KIF13A: variants seen among roughly 807,000 people sequenced by gnomAD.
The protein encoded by KIF13A is kinesin-like protein KIF13A.
Under a neutral mutation model 212.2 loss-of-function variants are expected in KIF13A, and 79 were observed. The observed-to-expected ratio is 0.37, with a 90% CI of 0.31 to 0.45. KIF13A has a LOEUF of 0.45. Among genes scored for constraint, KIF13A ranks in the 20% least tolerant of loss-of-function variants. The pLI is 1.00. For synonymous variants in KIF13A, 789 were observed against 808.6 expected (o/e 0.98, Z 0.41); for missense variants, 1,901 against 2,209.0 (o/e 0.86, Z 2.79).
Position 17,854,546 on chromosome 6 carries a change from AT to A in KIF13A, c.494+890del, listed in dbSNP as rs36073765. On this transcript the variant is annotated intron_variant, in intron 6 of 38. Coordinates refer to ENST00000259711, the MANE Select transcript of KIF13A (RefSeq NM_022113.6). ...TAGATACTAGTTTTAAATCAGTATA[AT>A]TTTTTTTTTTTTTTTTTTTTTTTTT... Among the ~76,000 whole-genome samples the A allele has an allele frequency of 6.4e-3, 494 of 77,082 alleles. 2 individuals are homozygous for A. The highest frequency in any genetic ancestry group is 0.02 in the African/African-American group (362 of 17,928). The allele number at this position is 77,082 out of a possible 152,430, so 50.6% of individuals were successfully genotyped here.
Position 17,792,196 on chromosome 6 carries a change from C to CAAAA in KIF13A, c.3222+2049_3222+2052dup, listed in dbSNP as rs10666115. Among the ~76,000 whole-genome samples, 370 of 74,452 alleles carry CAAAA rather than the reference C, an allele frequency of 5.0e-3. 9 individuals are homozygous for CAAAA. The highest frequency in any genetic ancestry group is 8.1e-3 in the African/African-American group (147 of 18,086). 48.8% of individuals were successfully genotyped at this position (74,452 alleles called of 152,430 possible). A position where few individuals can be genotyped will look rare whatever the true frequency, so the allele number is the denominator to read the frequency against. On this transcript the variant is annotated intron_variant, in intron 25 of 38. Transcript: ENST00000259711. ...CCAGCCTAGGGGACAGAGTGAGACT[C>CAAAA]AAAAAAAAAAAAAAAAAAAAAGCAG...
In KIF13A at chr6:17,830,561, C is replaced by T. The variant is rs1051974733; in HGVS notation, c.1401+540G>A. On this transcript the variant is annotated intron_variant, in intron 13 of 38. Transcript: ENST00000259711. ...TCCTGCGACCACAGTGGCAACAGGGCGGCCCCATCCCACCTCTACACCTGA... is the reference window on the plus strand; with the variant it reads ...TCCTGCGACCACAGTGGCAACAGGGTGGCCCCATCCCACCTCTACACCTGA... Among the ~76,000 whole-genome samples the T allele has an allele frequency of 4.6e-5, 7 of 152,264 alleles. No individual in the cohort carries two copies. In the South Asian group the frequency reaches 1.0e-3, roughly 23 times the overall value.
chr6:17,761,424 C>G (rs897450132), downstream of KIF13A, among the ~76,000 whole-genome samples: 1 of 151,900 alleles, frequency 6.6e-6, no homozygotes, highest in African/African-American at 2.4e-5. Flanking sequence ...GCTCCTGTTG[C>G]CCAGGCTGGA....
intron 3 of KIF13A, among the ~76,000 whole-genome samples, chr6:17,875,202 C>T (rs1395031024): frequency 1.3e-5 from 2 of 152,030 alleles, no homozygotes; most frequent in Non-Finnish European, 2.9e-5. Flanking sequence ...GGTAGTTCTA[C>T]TTTTAGTTCT....
At chr6:17,966,810 A>G (rs1779365512) in intron 2 of KIF13A, among the ~76,000 whole-genome samples, 1 of 152,180 alleles carries the variant, frequency 6.6e-6, no homozygotes, top group Admixed American at 6.5e-5. Flanking sequence ...ACTAAGAAAA[A>G]TATCTAACAT....
At chr6:17,932,662 C>T (rs1396243948) in intron 2 of KIF13A, among the ~76,000 whole-genome samples, 1 of 152,132 alleles carries the variant, frequency 6.6e-6, no homozygotes, top group African/African-American at 2.4e-5. Flanking sequence ...TTGCCTTCTC[C>T]CCACCCCACC....
Position 17,816,172 on chromosome 6 carries a change from C to T in KIF13A, c.2000+848G>A, listed in dbSNP as rs187203586. 1.3e-5 allele frequency among the ~76,000 whole-genome samples: 2 copies of T among 151,786 alleles called. No homozygotes were observed. Among genetic ancestry groups the T allele is most frequent in the African/African-American group, 4.8e-5 (2 of 41,284 alleles). ...GACCTCAGGCGATCCGCTGCCTTGG[C>T]CTCCCAAAGTGCTGGGATTACAGGC... On this transcript the variant is annotated intron_variant, in intron 17 of 38. Transcript: ENST00000259711. The surrounding 1 kb of genome is among the most constrained non-coding windows in gnomAD (Gnocchi z 4.3).
At chr6:17,779,333 G>A (rs1274678686) in intron 32 of KIF13A, among the ~76,000 whole-genome samples, 2 of 140,606 alleles carry the variant, frequency 1.4e-5, no homozygotes, top group Non-Finnish European at 3.1e-5. Context: ...GTGCAATGGC[G>A]CGATCTCGGC....
chr6:17,863,937 G>C (rs1769105734), intron 4 of KIF13A, among the ~76,000 whole-genome samples: 2 of 152,140 alleles, frequency 1.3e-5, no homozygotes, highest in Admixed American at 1.3e-4. Context: ...GCTGAGTGGT[G>C]GGAATCAGGG....
chr6:17,766,388 C>G (rs1758988320), intron 38 of KIF13A, among the ~76,000 whole-genome samples: 1 of 151,386 alleles, frequency 6.6e-6, no homozygotes, highest in African/African-American at 2.4e-5. Context: ...TACAGGCATG[C>G]GCCAGCATGC....
chr6:17,922,355 C>T (rs866654096), intron 2 of KIF13A, among the ~76,000 whole-genome samples: 43 of 152,152 alleles, frequency 2.8e-4, no homozygotes, highest in African/African-American at 9.9e-4. Context: ...GTTTTCCAAA[C>T]ACCAGTGAAG....
At chr6:17,887,541 C>A (rs1231681454) in intron 3 of KIF13A, among the ~76,000 whole-genome samples, 2 of 152,174 alleles carry the variant, frequency 1.3e-5, no homozygotes, top group Admixed American at 1.3e-4. Flanking sequence ...CATAGCCTAC[C>A]AGATTAAGTC....
At chr6:17,957,274 A>G (rs1175196709) in intron 2 of KIF13A, among the ~76,000 whole-genome samples, 1 of 152,176 alleles carries the variant, frequency 6.6e-6, no homozygotes, top group Non-Finnish European at 1.5e-5. Context: ...CTTCCAGATC[A>G]CTGAGCACAT....
At chr6:17,761,483 C>T (rs901183169), downstream of KIF13A, among the ~76,000 whole-genome samples, 9 of 152,002 alleles carry the variant, frequency 5.9e-5, no homozygotes, top group African/African-American at 2.2e-4. Flanking sequence ...TCCCGGGTTC[C>T]AGCGATTCTC....
intron 3 of KIF13A, among the ~76,000 whole-genome samples, chr6:17,887,424 C>T (rs1263500426): frequency 1.3e-5 from 2 of 152,146 alleles, no homozygotes; most frequent in African/African-American, 4.8e-5. Context: ...ATTATCCACC[C>T]TACATTCTAT....
chr6:17,951,435 T>C lies in KIF13A; in HGVS notation c.146+35619A>G. ...TGTGAGCCACTGTGACCAGCCTCAA[T>C]TTAAAAAAAAAAAAAAAACAGCTTT... On this transcript the variant is annotated intron_variant, in intron 2 of 38. Transcript: ENST00000259711. The surrounding 1 kb of genome is among the most constrained non-coding windows in gnomAD (Gnocchi z 4.9). The C allele has an allele frequency of 1.9e-6, 1 of 524,200 alleles. No individual in the cohort carries two copies. Among genetic ancestry groups the C allele is most frequent in the South Asian group, 2.6e-5 (1 of 38,508 alleles). 32.5% of individuals were successfully genotyped at this position (524,200 alleles called of 1,614,324 possible).
At chr6:17,842,033 G>GTGTGTA (rs1766575857) in intron 9 of KIF13A, among the ~76,000 whole-genome samples, 1 of 140,722 alleles carries the variant, frequency 7.1e-6, no homozygotes, top group Non-Finnish European at 1.5e-5. Context: ...GTGTGTGTGT[G>GTGTGTA]TATACACTTA....
chr6:17,954,868 G>A (rs1364190991), intron 2 of KIF13A, among the ~76,000 whole-genome samples: 5 of 152,058 alleles, frequency 3.3e-5, no homozygotes, highest in African/African-American at 9.7e-5. Context: ...TTTAAGAGAC[G>A]GGGTCTTGCT....
Position 17,799,125 on chromosome 6 carries a change from T to C in KIF13A, c.2790+141A>G. The C allele has an allele frequency of 2.2e-6, 1 of 464,400 alleles. No homozygotes were observed. Among genetic ancestry groups the C allele is most frequent in the Non-Finnish European group, 3.7e-6 (1 of 270,748 alleles). 28.8% of individuals were successfully genotyped at this position (464,400 alleles called of 1,614,324 possible). The stretch of plus-strand genomic sequence containing the variant: ...TAAATATTTCTAAACTATTTGCATT[T>C]GTAATGAGGTACATTTTTGAGGTTA... On this transcript the variant is annotated intron_variant, in intron 22 of 38. Transcript: ENST00000259711. The surrounding 1 kb of genome is among the most constrained non-coding windows in gnomAD (Gnocchi z 4.4).
Sources: gnomAD v4.1 joint callset for allele counts (sites outside exome capture counted in the v4.1 genomes callset) on GRCh38, gnomAD v4.1.1 for gene constraint, Gnocchi (gnomAD v3.1) non-coding constraint, MANE v1.5 for transcripts, NCBI Gene and HGNC (gene_info 2026-07-23, HGNC 2026-07-21) for gene names.